The following ECT2L variants were observed in gnomAD, a reference collection of about 807,000 sequenced individuals.
ECT2L encodes epithelial cell transforming 2 like, also known as epithelial cell-transforming sequence 2 oncogene-like.
Under a neutral mutation model 122.8 loss-of-function variants are expected in ECT2L, and 126 were observed. That is an observed-to-expected ratio of 1.03 (90% CI 0.89 to 1.19). The LOEUF is 1.19. ECT2L is among the 50% of genes most tolerant of loss of function. The probability of loss-of-function intolerance (pLI) is 0.00; values close to 1 mark genes in which losing one functional copy is unlikely to be tolerated. For missense variants in ECT2L, 1,012 were observed against 1,064.1 expected, an observed-to-expected ratio of 0.95 and a Z score of 0.68; for synonymous variants, 385 against 381.8, an observed-to-expected ratio of 1.01 and a Z score of -0.10.
chr6:138,828,707 G>A (rs935362121), intron 4 of ECT2L, among the ~76,000 whole-genome samples: 4 of 152,094 alleles, frequency 2.6e-5, no homozygotes, highest in East Asian at 1.9e-4. Context: ...TTGCTTTCCC[G>A]AGGTAGAGTT....
At chr6:138,824,328 A>G (rs1338798286) in intron 4 of ECT2L, among the ~76,000 whole-genome samples, 3 of 151,902 alleles carry the variant, frequency 2.0e-5, no homozygotes, top group African/African-American at 2.4e-5. Context: ...CCACTATGCT[A>G]TAAGTTAGGC....
chr6:138,881,890 C>T (rs1180588205), intron 15 of ECT2L, among the ~76,000 whole-genome samples: 4 of 152,176 alleles, frequency 2.6e-5, no homozygotes, highest in Non-Finnish European at 5.9e-5. Flanking sequence ...TAACAGGCCA[C>T]AGACTGGTAC....
intron 19 of ECT2L, among the ~76,000 whole-genome samples, chr6:138,888,167 T>C (rs534132176): frequency 5.3e-5 from 8 of 152,108 alleles, no homozygotes; most frequent in Non-Finnish European, 7.4e-5. Context: ...TTGAGGTTGA[T>C]TGGTTTGCAA....
chr6:138,898,362 C>T (rs1779283714), intron 20 of ECT2L, among the ~76,000 whole-genome samples: 4 of 152,184 alleles, frequency 2.6e-5, no homozygotes. Flanking sequence ...AAAGAGCTAG[C>T]TCTAGTGGCT....
chr6:138,808,539 T>C (rs1231746255), intron 1 of ECT2L, among the ~76,000 whole-genome samples: 3 of 152,188 alleles, frequency 2.0e-5, no homozygotes, highest in South Asian at 2.1e-4. Context: ...ATAAATGATA[T>C]ATTGTTGCTT....
chr6:138,809,016 C>A (rs1775803780), intron 1 of ECT2L, among the ~76,000 whole-genome samples: 1 of 152,298 alleles, frequency 6.6e-6, no homozygotes, highest in Non-Finnish European at 1.5e-5. Context: ...CGTGAGCCAC[C>A]ATGCCTGGCC....
At chr6:138,852,856 CG>C (rs1346949999) in intron 9 of ECT2L, among the ~76,000 whole-genome samples, 1 of 151,996 alleles carries the variant, frequency 6.6e-6, no homozygotes, top group African/African-American at 2.4e-5. Flanking sequence ...AAGTTTATCT[CG>C]TGTGGAATGT....
chr6:138,799,646 G>A (rs1194146399), intron 1 of ECT2L, among the ~76,000 whole-genome samples: 1 of 152,022 alleles, frequency 6.6e-6, no homozygotes, highest in Non-Finnish European at 1.5e-5. Flanking sequence ...TGTAACCTCC[G>A]CCTCCTGGGC....
chr6:138,885,951 TC>T, intron 18 of ECT2L, 121 bp downstream of exon 18: 6 of 963,024 alleles, frequency 6.2e-6, no homozygotes, highest in Non-Finnish European at 9.1e-6. Flanking sequence ...AAGTCTTTCA[TC>T]CTTTTAATGC....
chr6:138,873,747 T>C (rs887628560), intron 13 of ECT2L, among the ~76,000 whole-genome samples: 4 of 152,064 alleles, frequency 2.6e-5, no homozygotes, highest in Non-Finnish European at 1.5e-5. Flanking sequence ...TGAGCCAAGA[T>C]TGCAGCACTG....
chr6:138,899,899 C>G (rs993771290), intron 20 of ECT2L, among the ~76,000 whole-genome samples: 1 of 152,180 alleles, frequency 6.6e-6, no homozygotes, highest in Non-Finnish European at 1.5e-5. Context: ...CTAGAACACT[C>G]CCACAGGACA....
chr6:138,860,605 G>A (rs1400607622), intron 10 of ECT2L, among the ~76,000 whole-genome samples: 1 of 151,772 alleles, frequency 6.6e-6, no homozygotes, highest in African/African-American at 2.4e-5. Flanking sequence ...TTTATTCTTG[G>A]ACCACAAATA....
At chr6:138,854,251 C>T (rs997715350) in intron 10 of ECT2L, 97 bp downstream of exon 10, 1 of 1,357,152 alleles carries the variant, frequency 7.4e-7, no homozygotes, top group Non-Finnish European at 9.9e-7. Context: ...ATGATTCAGT[C>T]ACATTTCACG....
At chr6:138,814,464 T>C (rs1299189692) in intron 3 of ECT2L, 27 bp from the exon 4 acceptor site, 4 of 1,440,338 alleles carry the variant, frequency 2.8e-6, no homozygotes, top group Admixed American at 3.5e-5. Flanking sequence ...GTACAGCAAA[T>C]GTCACTTCCT....
intron 4 of ECT2L, 134 bp downstream of exon 4, chr6:138,814,737 A>AAAC: frequency 3.4e-6 from 2 of 581,450 alleles, no homozygotes; most frequent in Non-Finnish European, 5.8e-6. Context: ...TAAGGTTTAT[A>AAAC]AACAGACTTT....
At chr6:138,834,063 C>A (rs73557238) in intron 4 of ECT2L, among the ~76,000 whole-genome samples, 249 of 152,260 alleles carry the variant, frequency 1.6e-3, no homozygotes, top group African/African-American at 5.6e-3. Context: ...AATTTAAGAG[C>A]AGATAATTAA....
Position 138,849,384 on chromosome 6 carries a change from G to A in ECT2L, c.1019G>A (p.Ser340Asn). 1 of 1,613,976 alleles carries A rather than the reference G, an allele frequency of 6.2e-7. No homozygotes were observed. Among genetic ancestry groups the A allele is most frequent in the East Asian group, 2.2e-5 (1 of 44,872 alleles). Residue 340 changes from serine (S) to asparagine (N), a missense_variant, in exon 9 of 22, where the codon AGC becomes AAC. Physicochemically the swap from Ser to Asn is conservative, Grantham distance 46. Transcript: ENST00000541398. ...EKALDGQKAQ[S>N]IGIFSDGDSR... Reference sequence around the variant, plus strand: ...GCTCTGGATGGGCAGAAGGCACAGAGCATCGGAATATTTAGCGATGGAGAC... The same window carrying A: ...GCTCTGGATGGGCAGAAGGCACAGAACATCGGAATATTTAGCGATGGAGAC...
intron 18 of ECT2L, among the ~76,000 whole-genome samples, chr6:138,886,633 G>C (rs9495282): frequency 0.028 from 4,215 of 151,878 alleles, 213 homozygotes; most frequent in African/African-American, 0.096. Flanking sequence ...GCCCAGGCTG[G>C]TCTTGAACTC....
intron 8 of ECT2L, among the ~76,000 whole-genome samples, chr6:138,848,023 T>C (rs922215451): frequency 6.6e-6 from 1 of 152,104 alleles, no homozygotes; most frequent in Non-Finnish European, 1.5e-5. Flanking sequence ...GAGAGAAGAA[T>C]GAGCAGAGGA....
Sources: allele counts gnomAD v4.1 joint callset (sites outside exome capture counted in the v4.1 genomes callset), GRCh38; gene constraint gnomAD v4.1.1; transcripts MANE v1.5; gene names NCBI Gene and HGNC (gene_info 2026-07-23, HGNC 2026-07-21).